KIAA1217: variants seen among roughly 807,000 people sequenced by gnomAD.
The protein encoded by KIAA1217 is sickle tail protein homolog.
KIAA1217 carries 88 observed loss-of-function variants against 163.9 expected under a neutral mutation model. The ratio of observed to expected loss-of-function variants is 0.54; its 90% CI spans 0.45 to 0.64. The LOEUF is 0.64. KIAA1217 is among the 30% of genes least tolerant of loss of function. The pLI, the probability that KIAA1217 is intolerant of heterozygous loss-of-function variation, is 0.00. For missense variants in KIAA1217, 2,372 were observed against 2,475.0 expected (o/e 0.96, Z 0.88); for synonymous variants, 903 against 923.1 (o/e 0.98, Z 0.39).
chr10:24,008,748 C>T (rs1234928595), intron 2 of KIAA1217, among the ~76,000 whole-genome samples: 1 of 152,162 alleles, frequency 6.6e-6, no homozygotes, highest in Non-Finnish European at 1.5e-5. Context: ...AACCAGCTAC[C>T]TTTCTCACCC....
intron 1 of KIAA1217, among the ~76,000 whole-genome samples, chr10:23,840,291 GA>G (rs1211855116): frequency 2.6e-5 from 4 of 152,028 alleles, no homozygotes; most frequent in Admixed American, 2.6e-4. Flanking sequence ...GAGTAGTTGG[GA>G]ATACAGATGC....
chr10:24,193,698 C>T (rs1172893824), intron 2 of KIAA1217, among the ~76,000 whole-genome samples: 3 of 152,038 alleles, frequency 2.0e-5, no homozygotes, highest in Non-Finnish European at 4.4e-5. Flanking sequence ...TCTGGGTCAA[C>T]AGTAAATGAG....
intron 2 of KIAA1217, among the ~76,000 whole-genome samples, chr10:24,335,892 G>A (rs565947351): frequency 1.8e-4 from 27 of 152,334 alleles, no homozygotes; most frequent in South Asian, 4.1e-4. Flanking sequence ...GATTATAGGC[G>A]TCAGCCACTG....
intron 9 of KIAA1217, among the ~76,000 whole-genome samples, chr10:24,506,717 G>C (rs1162478350): frequency 1.3e-5 from 2 of 152,182 alleles, no homozygotes; most frequent in African/African-American, 4.8e-5. Context: ...AGTTGACCCA[G>C]CTTTCTGTCT....
chr10:24,383,297 C>T (rs145002042), intron 3 of KIAA1217, among the ~76,000 whole-genome samples: 15 of 152,276 alleles, frequency 9.9e-5, no homozygotes, highest in African/African-American at 3.4e-4. Context: ...AATGCCTGTC[C>T]GCCTTCCCCC....
chr10:23,739,577 C>T (rs1382798031), intron 1 of KIAA1217, among the ~76,000 whole-genome samples: 1 of 152,092 alleles, frequency 6.6e-6, no homozygotes, highest in Non-Finnish European at 1.5e-5. Flanking sequence ...GGATGAGGTC[C>T]AGTGAAAAGG....
At chr10:23,745,847 T>C (rs1839379995) in intron 1 of KIAA1217, among the ~76,000 whole-genome samples, 1 of 152,164 alleles carries the variant, frequency 6.6e-6, no homozygotes, top group South Asian at 2.1e-4. Flanking sequence ...CAATGAGCAA[T>C]GAATAAAATA....
At chr10:24,403,757 A>G (rs2056846337) in intron 3 of KIAA1217, among the ~76,000 whole-genome samples, 1 of 152,240 alleles carries the variant, frequency 6.6e-6, no homozygotes, top group Admixed American at 6.5e-5. Flanking sequence ...AAAGATGTTC[A>G]ACATCATTAG....
intron 3 of KIAA1217, among the ~76,000 whole-genome samples, chr10:24,387,419 T>C (rs1170396066): frequency 4.6e-5 from 7 of 152,198 alleles, no homozygotes; most frequent in African/African-American, 1.7e-4. Flanking sequence ...TAATAAGAGC[T>C]ACTTATGACA....
chr10:23,756,371 A>C (rs1354543627), intron 1 of KIAA1217, among the ~76,000 whole-genome samples: 1 of 152,212 alleles, frequency 6.6e-6, no homozygotes, highest in African/African-American at 2.4e-5. Flanking sequence ...GGGGCTACTA[A>C]AGATGAGTTT....
At chr10:24,409,039 T>C (rs1256596224) in intron 3 of KIAA1217, among the ~76,000 whole-genome samples, 1 of 152,194 alleles carries the variant, frequency 6.6e-6, no homozygotes, top group East Asian at 1.9e-4. Flanking sequence ...TGAACTGGCG[T>C]GGATGATACA....
At chr10:23,962,033 A>G (rs1844839404) in intron 1 of KIAA1217, among the ~76,000 whole-genome samples, 1 of 152,204 alleles carries the variant, frequency 6.6e-6, no homozygotes, top group South Asian at 2.1e-4. Context: ...ATACAGTCAT[A>G]TTCTGAGATA....
chr10:24,097,394 CA>C (rs1265116628), intron 2 of KIAA1217, among the ~76,000 whole-genome samples: 1 of 151,814 alleles, frequency 6.6e-6, no homozygotes, highest in Admixed American at 6.6e-5. Context: ...TCTGAAAACA[CA>C]AAAAAACATT....
At chr10:24,128,881 G>A (rs1465807772) in intron 2 of KIAA1217, among the ~76,000 whole-genome samples, 3 of 152,198 alleles carry the variant, frequency 2.0e-5, no homozygotes, top group African/African-American at 7.2e-5. Context: ...CATTTTTAGT[G>A]TTATTACCTA....
chr10:24,337,198 C>T (rs2046453840), intron 2 of KIAA1217, among the ~76,000 whole-genome samples: 1 of 152,184 alleles, frequency 6.6e-6, no homozygotes, highest in South Asian at 2.1e-4. Context: ...TATTTTTAAA[C>T]TCCTTTAATT....
chr10:23,813,923 C>G lies in KIAA1217; in HGVS notation c.-321+118689C>G, dbSNP rs1027458802. Among the ~76,000 whole-genome samples, 54 of 152,098 alleles carry G rather than the reference C, an allele frequency of 3.6e-4. 1 individual carries two copies. The highest frequency in any genetic ancestry group is 3.4e-3 in the Admixed American group (52 of 15,268). ...TGTGTGAACATTTCTCCTTGATGCC[C>G]AGACCCTGCATTTACTTAATGCTGA... On this transcript the variant is annotated intron_variant, in intron 1 of 18. Transcript: ENST00000376462.
intron 2 of KIAA1217, among the ~76,000 whole-genome samples, chr10:24,130,551 G>A (rs1163673953): frequency 2.0e-5 from 3 of 152,110 alleles, no homozygotes; most frequent in Admixed American, 1.3e-4. Context: ...GCAAATGTAT[G>A]CCTGGAATAT....
chr10:23,769,895 T>C (rs1455566055), intron 1 of KIAA1217, among the ~76,000 whole-genome samples: 1 of 152,246 alleles, frequency 6.6e-6, no homozygotes, highest in Non-Finnish European at 1.5e-5. Context: ...CAAGAGGCTC[T>C]ATTCAGAACC....
chr10:24,421,452 G>A (rs1188518058), intron 3 of KIAA1217, among the ~76,000 whole-genome samples: 1 of 152,014 alleles, frequency 6.6e-6, no homozygotes, highest in Non-Finnish European at 1.5e-5. Flanking sequence ...TTATTATATT[G>A]TCTATGAACA....
Sources: gnomAD v4.1 joint callset for allele counts (sites outside exome capture counted in the v4.1 genomes callset) on GRCh38, gnomAD v4.1.1 for gene constraint, MANE v1.5 for transcripts, NCBI Gene and HGNC (gene_info 2026-07-23, HGNC 2026-07-21) for gene names.